PLXNB3: variants seen among roughly 807,000 people sequenced by gnomAD.
The protein encoded by PLXNB3 is plexin B3.
PLXNB3 carries 80 observed loss-of-function variants against 125.7 expected under a neutral mutation model. That is an observed-to-expected ratio of 0.64 (90% CI 0.53 to 0.77). PLXNB3 has a LOEUF of 0.77. Ranked by LOEUF, PLXNB3 falls within the 30% of genes least tolerant of loss-of-function variation. PLXNB3 has a pLI of 0.00. For missense variants in PLXNB3, 1,836 were observed against 1,729.3 expected, an observed-to-expected ratio of 1.06 and a Z score of -1.09; for synonymous variants, 954 against 783.3, an observed-to-expected ratio of 1.22 and a Z score of -3.64.
At chrX:153,773,160 G>A in intron 17 of PLXNB3, 70 bp from the exon 18 acceptor site, 1 of 1,111,361 alleles carries the variant, frequency 9.0e-7, no homozygotes, top group South Asian at 2.1e-5. Flanking sequence ...TTCTCCTACG[G>A]GGGTTGGGCC....
chrX:153,764,845 C>A (rs1414777040), intron 1 of PLXNB3, among the ~76,000 whole-genome samples: 1 of 112,972 alleles, frequency 8.9e-6, no homozygotes, highest in African/African-American at 3.2e-5. Context: ...ACAGCCCCGG[C>A]CTGTGGACCC....
chrX:153,778,223 C>T lies in PLXNB3; in HGVS notation c.5410-38C>T, dbSNP rs202198240. ...AGCATCATGGGGGCACCTTCACCTC[C>T]GAGCTCATGCCTAGCGCCTCCCCTC... On this transcript the variant is annotated intron_variant, in intron 32 of 35. Coordinates refer to ENST00000361971, the MANE Select transcript of PLXNB3 (RefSeq NM_005393.3). The T allele has an allele frequency of 2.3e-5, 27 of 1,197,977 alleles. No individual in the cohort carries two copies. In the African/African-American group the frequency reaches 3.5e-4, roughly 16 times the overall value.
chrX:153,768,938 C>T lies in PLXNB3; in HGVS notation c.1267-10C>T. ...ATCTGGCCCAGCCTCGTCCTTGTCC[C>T]CCCACTCAGGTCTTTCTCCACGGCT... On this transcript the variant is annotated splice_polypyrimidine_tract_variant and intron_variant, in intron 4 of 35. Coordinates refer to ENST00000361971, the MANE Select transcript of PLXNB3 (RefSeq NM_005393.3). 8.3e-7 allele frequency: 1 copy of T among 1,209,247 alleles called. No individual in the cohort carries two copies. Among genetic ancestry groups the T allele is most frequent in the Non-Finnish European group, 1.1e-6 (1 of 894,054 alleles).
At position 153,775,236 on chromosome X, in the gene PLXNB3, C is replaced by T. The variant is rs2091973233; in HGVS notation, c.4167C>T (p.Thr1389=). ...CGACCCCTGCTCAGCTCATCCACAC[C>T]CTGGAGGAGCAGCCCAGCTTTTCCC... The part of the protein sequence containing the change: ...SKLFLLTLIH[T]LEEQPSFSQR... The change falls in exon 25 of 36, where the codon ACC becomes ACT. Residue 1389 remains threonine, a synonymous_variant. Transcript: ENST00000361971. 2.5e-6 allele frequency: 3 copies of T among 1,186,850 alleles called. No individual in the cohort carries two copies. Among genetic ancestry groups the T allele is most frequent in the African/African-American group, 1.7e-5 (1 of 57,717 alleles).
chrX:153,765,636 C>G, intron 2 of PLXNB3, 56 bp downstream of exon 2: 1 of 1,169,138 alleles, frequency 8.6e-7, no homozygotes, highest in Non-Finnish European at 1.1e-6. Context: ...CAGGGTAGGG[C>G]AGGATGGCTG....
chrX:153,770,043 G>A (rs1569541831), intron 7 of PLXNB3, 49 bp from the exon 8 acceptor site: 3 of 1,198,565 alleles, frequency 2.5e-6, no homozygotes, highest in Admixed American at 4.4e-5. Flanking sequence ...GGCCTCTGCT[G>A]CCCCCTCTCT....
rs782600752 is a variant in PLXNB3 at position 153,767,843 on chromosome X, G to A, written c.1016G>A (p.Arg339Gln). The change falls in exon 3 of 36, where the codon CGG (arginine) becomes CAG (glutamine). Residue 339 changes from arginine to glutamine, a missense_variant. Arg to Gln is a conservative substitution (Grantham distance 43, BLOSUM62 1). Coordinates refer to ENST00000361971, the MANE Select transcript of PLXNB3 (RefSeq NM_005393.3). ...AGACTCTGCTACACGGCGGGCGGCC[G>A]GGGCCCCAGCGGCGCAGAGGAAGCC... ...ARRLCYTAGG[R>Q]GPSGAEEATV... is the part of the protein sequence containing the mutation. 1.2e-4 allele frequency: 134 copies of A among 1,141,372 alleles called. No homozygotes were observed. The highest frequency in any genetic ancestry group is 8.2e-4 in the East Asian group (25 of 30,377). 94.1% of individuals were successfully genotyped at this position (1,141,372 alleles called of 1,213,427 possible).
At position 153,771,879 on chromosome X, in the gene PLXNB3, G is replaced by A. The variant is rs782232949; in HGVS notation, c.2533G>A (p.Gly845Ser). 6 of 1,208,403 alleles carry A rather than the reference G, an allele frequency of 5.0e-6. No homozygotes were observed. The highest frequency in any genetic ancestry group is 5.6e-6 in the Non-Finnish European group (5 of 894,694). ...PSIDAVEPLTGPPEGGLALTI... is the reference protein window; with the variant it reads ...PSIDAVEPLTSPPEGGLALTI... ...CCTGCTGCAGGTCGAGCCCCTGACC[G>A]GTCCCCCTGAGGGAGGCTTGGCCCT... is the stretch of plus-strand genomic sequence containing the variant. The change falls in exon 15 of 36, where the codon GGT becomes AGT. Residue 845 changes from glycine to serine, a missense_variant. Transcript: ENST00000361971.
rs782518268 is a variant in PLXNB3, at chrX:153,766,621, G to A, written c.46-252G>A. 1.2e-4 allele frequency: 122 copies of A among 1,057,948 alleles called. No homozygotes were observed. In the African/African-American group the frequency reaches 2.1e-3, roughly 18 times the overall value. The allele number at this position is 1,057,948 out of a possible 1,213,427, so 87.2% of individuals were successfully genotyped here. On this transcript the variant is annotated intron_variant, in intron 2 of 35. Coordinates refer to ENST00000361971, the MANE Select transcript of PLXNB3 (RefSeq NM_005393.3). ...AAGAATTCTGTCCTTGTGTGCTTGT[G>A]CGTGCGTGCATGCACCCCTCCCTGC... is the stretch of plus-strand genomic sequence containing the variant.
Position 153,774,191 on chromosome X carries a change from G to A in PLXNB3, c.3525G>A (p.Glu1175=), listed in dbSNP as rs781789973. The A allele has an allele frequency of 3.3e-6, 4 of 1,204,312 alleles. No individual in the cohort carries two copies. Among genetic ancestry groups the A allele is most frequent in the South Asian group, 3.5e-5 (2 of 56,799 alleles). Residue 1175 remains glutamate (E), a synonymous_variant, in exon 21 of 36, where the codon GAG becomes GAA. Coordinates refer to ENST00000361971, the MANE Select transcript of PLXNB3 (RefSeq NM_005393.3). ...GGCTCCCATGTGTGTCCCAGGGCGA[G>A]GGCCTCAACCTGGGCATCAGCAAGG... The part of the protein sequence containing the change: ...KPGHVLDVEG[E]GLNLGISKEE...
intron 12 of PLXNB3, 39 bp downstream of exon 12, chrX:153,771,120 T>C: frequency 9.0e-7 from 1 of 1,112,274 alleles, no homozygotes. Context: ...CCCCCAAGCT[T>C]CCGTAGACCC....
At chrX:153,772,075 T>C in intron 15 of PLXNB3, 60 bp downstream of exon 15, 6 of 1,127,694 alleles carry the variant, frequency 5.3e-6, no homozygotes, top group South Asian at 2.2e-5. Flanking sequence ...CACCCAGAGA[T>C]AAGGAAGGCC....
intron 2 of PLXNB3, 108 bp from the exon 3 acceptor site, chrX:153,766,765 C>T (rs2091863493): frequency 9.2e-7 from 1 of 1,085,629 alleles, no homozygotes; most frequent in Non-Finnish European, 1.2e-6. Context: ...CTGCCTCCCT[C>T]CCTCCCTGGC....
rs782078856 is a variant in PLXNB3 at position 153,773,223 on chromosome X, C to T, written c.2907-7C>T. The T allele has an allele frequency of 8.4e-7, 1 of 1,196,516 alleles. No individual in the cohort carries two copies. Among genetic ancestry groups the T allele is most frequent in the Middle Eastern group, 2.3e-4 (1 of 4,281 alleles). ...CGAGATGAGAGACCCCACTACCCATCCTGCAGCCTGGAGCCAGTGTGTCCG... is the reference window on the plus strand; with the variant it reads ...CGAGATGAGAGACCCCACTACCCATTCTGCAGCCTGGAGCCAGTGTGTCCG... On this transcript the variant is annotated splice_polypyrimidine_tract_variant and splice_region_variant and intron_variant, in intron 17 of 35. Coordinates refer to ENST00000361971, the MANE Select transcript of PLXNB3 (RefSeq NM_005393.3).
rs2091907501 is a variant in PLXNB3 at position 153,769,932 on chromosome X, A to G, written c.1622A>G (p.Gln541Arg). The G allele has an allele frequency of 1.7e-6, 2 of 1,206,603 alleles. No homozygotes were observed. Among genetic ancestry groups the G allele is most frequent in the Non-Finnish European group, 2.2e-6 (2 of 893,232 alleles). The change falls in exon 7 of 36, where the codon CAG (glutamine) becomes CGG (arginine). Residue 541 changes from glutamine to arginine, a missense_variant. By Grantham distance (43) the Gln-to-Arg change is conservative (BLOSUM62 1). Coordinates refer to ENST00000361971, the MANE Select transcript of PLXNB3 (RefSeq NM_005393.3). The stretch of plus-strand genomic sequence containing the variant: ...CCGGGCCACCACCCCCGCCAGGAGC[A>G]GGGCCAGGTAAGCCGCCCACCACCA... ...LLPGHHPRQE[Q>R]GQVTLSVPRL... is the part of the protein sequence containing the mutation.
At position 153,769,084 on chromosome X, in the gene PLXNB3, C is replaced by A. The variant is rs1349467613; in HGVS notation, c.1395+8C>A. 1 of 1,207,421 alleles carries A rather than the reference C, an allele frequency of 8.3e-7. No individual in the cohort carries two copies. The highest frequency in any genetic ancestry group is 2.2e-5 in the Admixed American group (1 of 45,919). ...GTCCTGACTGCCCACCAGGTGAGGG[C>A]CATCCTGGGGCTGAAGGGGCCAGCA... On this transcript the variant is annotated splice_region_variant and intron_variant, in intron 5 of 35. Coordinates refer to ENST00000361971, the MANE Select transcript of PLXNB3 (RefSeq NM_005393.3).
chrX:153,775,029 G>A lies in PLXNB3; in HGVS notation c.4081G>A (p.Gly1361Ser), dbSNP rs782004165. Residue 1361 changes from glycine to serine, a missense_variant, in exon 24 of 36, where the codon GGC (glycine) becomes AGC (serine). Physicochemically the swap from Gly to Ser is moderately conservative, Grantham distance 56 (BLOSUM62 0). Transcript: ENST00000361971. ...CAAGCCTGAGGGGCCAGGGGAGGAC[G>A]GCCACTGTGCCACTGTGCGCCAGGG... is the stretch of plus-strand genomic sequence containing the variant. ...QPKPEGPGED[G>S]HCATVRQGLT... 42 of 1,208,317 alleles carry A rather than the reference G, an allele frequency of 3.5e-5. No individual in the cohort carries two copies. The highest frequency in any genetic ancestry group is 4.0e-5 in the Non-Finnish European group (36 of 894,103).
In PLXNB3 at chrX:153,777,651, G is replaced by A. The variant is rs370954582; in HGVS notation, c.5224G>A (p.Glu1742Lys). 1.3e-5 allele frequency: 16 copies of A among 1,211,773 alleles called. No individual in the cohort carries two copies. Among genetic ancestry groups the A allele is most frequent in the East Asian group, 3.0e-5 (1 of 33,866 alleles). ...LDELAEKHGI[E>K]DPGTLHIWKT... ...TGAGCTAGCAGAGAAGCACGGCATC[G>A]AGGACCCAGGGACCCTGCACATCTG... is the stretch of plus-strand genomic sequence containing the variant. The change falls in exon 31 of 36, where the codon GAG becomes AAG. Residue 1742 changes from glutamate to lysine, a missense_variant. By Grantham distance (56) the Glu-to-Lys change is moderately conservative. Coordinates refer to ENST00000361971, the MANE Select transcript of PLXNB3 (RefSeq NM_005393.3).
chrX:153,765,709 C>T (rs1200269417), intron 2 of PLXNB3, 129 bp downstream of exon 2: 14 of 1,141,101 alleles, frequency 1.2e-5, no homozygotes, highest in South Asian at 8.1e-5. Flanking sequence ...CCAGATAGCC[C>T]GGGGTCCGCA....
Sources: allele counts gnomAD v4.1 joint callset (sites outside exome capture counted in the v4.1 genomes callset), GRCh38; gene constraint gnomAD v4.1.1; transcripts MANE v1.5; gene names NCBI Gene and HGNC (gene_info 2026-07-23, HGNC 2026-07-21).